BFSP2: variants seen among roughly 807,000 people sequenced by gnomAD.
BFSP2 encodes beaded filament structural protein 2.
A neutral mutation model predicts 44.9 loss-of-function variants in BFSP2; 38 were observed. The ratio of observed to expected loss-of-function variants is 0.85; its 90% CI spans 0.65 to 1.11. The LOEUF (loss-of-function observed/expected upper bound fraction) is 1.11. BFSP2 is among the 50% of genes least tolerant of loss of function. The pLI, the probability that BFSP2 is intolerant of heterozygous loss-of-function variation, is 0.00. For synonymous variants in BFSP2, 197 were observed against 209.9 expected (o/e 0.94, Z 0.53); for missense variants, 525 against 533.0 (o/e 0.99, Z 0.15).
chr3:133,413,055 T>C (rs6774565), intron 1 of BFSP2, among the ~76,000 whole-genome samples: 2,257 of 152,200 alleles, frequency 0.015, 33 homozygotes, highest in East Asian at 0.056. Context: ...GAAGCACACA[T>C]AGGGGCTGCG....
At position 133,472,363 on chromosome 3, in the gene BFSP2, A is replaced by T. The variant is rs749519419; in HGVS notation, c.1042A>T (p.Thr348Ser). The T allele has an allele frequency of 1.9e-6, 3 of 1,613,094 alleles. No homozygotes were observed. The highest frequency in any genetic ancestry group is 2.7e-5 in the African/African-American group (2 of 74,952). The change falls in exon 6 of 7, where the codon ACC (threonine) becomes TCC (serine). Residue 348 changes from threonine to serine, a missense_variant. By Grantham distance (58) the Thr-to-Ser change is moderately conservative. Transcript: ENST00000302334. The part of the protein sequence containing the change: ...LRALKRGLEN[T>S]LHDAKHWHDM... Reference sequence around the variant, plus strand: ...TTTGTAGAAACGAGGCCTGGAGAACACCTTGCACGATGCCAAGCACTGGCA... The same window carrying T: ...TTTGTAGAAACGAGGCCTGGAGAACTCCTTGCACGATGCCAAGCACTGGCA...
At chr3:133,416,464 C>G (rs973551608) in intron 1 of BFSP2, among the ~76,000 whole-genome samples, 2 of 147,870 alleles carry the variant, frequency 1.4e-5, no homozygotes, top group South Asian at 4.4e-4. Context: ...CCTGCTATCT[C>G]CCATCTACTC....
At chr3:133,439,180 G>T (rs1395519317) in intron 1 of BFSP2, among the ~76,000 whole-genome samples, 1 of 152,180 alleles carries the variant, frequency 6.6e-6, no homozygotes, top group Non-Finnish European at 1.5e-5. Flanking sequence ...AAAATATTTT[G>T]GTTTGGTCTG....
At chr3:133,453,591 C>T (rs1041854973) in intron 4 of BFSP2, among the ~76,000 whole-genome samples, 3 of 152,140 alleles carry the variant, frequency 2.0e-5, no homozygotes, top group South Asian at 2.1e-4. Context: ...TTGTGAGAAA[C>T]GGTATAGACT....
chr3:133,400,060 G>A lies in BFSP2; in HGVS notation c.-24G>A, dbSNP rs747195812. 21 of 1,613,980 alleles carry A rather than the reference G, an allele frequency of 1.3e-5. No homozygotes were observed. Among genetic ancestry groups the A allele is most frequent in the African/African-American group, 4.0e-5 (3 of 74,936 alleles). On this transcript the variant is annotated 5_prime_UTR_variant, in exon 1 of 7. Coordinates refer to ENST00000302334, the MANE Select transcript of BFSP2 (RefSeq NM_003571.4). The surrounding 1 kb of genome is among the most constrained non-coding windows in gnomAD (Gnocchi z 4.0). ...GCCACTGGACTCTGTAAACCCACTG[G>A]GCACCACAGAGGCAGAAGGGGTGAT...
chr3:133,440,566 T>C (rs1559971251), intron 1 of BFSP2, among the ~76,000 whole-genome samples: 1 of 152,132 alleles, frequency 6.6e-6, no homozygotes, highest in Non-Finnish European at 1.5e-5. Context: ...CACTGATGCC[T>C]ACTATCCAAA....
intron 1 of BFSP2, among the ~76,000 whole-genome samples, chr3:133,406,566 T>C (rs1222125864): frequency 6.8e-6 from 1 of 147,146 alleles, no homozygotes; most frequent in Non-Finnish European, 1.5e-5. Context: ...GCTTGCCATC[T>C]ACCAACCGTG....
At chr3:133,406,074 C>T (rs1359649246) in intron 1 of BFSP2, among the ~76,000 whole-genome samples, 1 of 152,024 alleles carries the variant, frequency 6.6e-6, no homozygotes, top group African/African-American at 2.4e-5. Context: ...CCTCAGCCTC[C>T]CAAGTAGCTG....
Position 133,448,519 on chromosome 3 carries a change from G to A in BFSP2, c.603G>A (p.Ala201=), listed in dbSNP as rs2276737. The A allele has an allele frequency of 0.58, 937,445 of 1,613,420 alleles. 282,437 individuals carry two copies. Among genetic ancestry groups the A allele is most frequent in the Non-Finnish European group, 0.62 (730,322 of 1,179,686 alleles). The change falls in exon 3 of 7, where the codon GCG becomes GCA. Residue 201 remains alanine, a synonymous_variant. Coordinates refer to ENST00000302334, the MANE Select transcript of BFSP2 (RefSeq NM_003571.4). ...AAAATGAGCAGCCATTTCGAAAGGC[G>A]GCAGAAGAGGAAATTAACTCTCTGT... The part of the protein sequence containing the change: ...RYENEQPFRK[A]AEEEINSLYK...
rs375157205 is a variant in BFSP2 at position 133,458,364 on chromosome 3, T to C, written c.891+7900T>C. Among the ~76,000 whole-genome samples, 4 of 152,190 alleles carry C rather than the reference T, an allele frequency of 2.6e-5. No individual in the cohort carries two copies. In the East Asian group the frequency reaches 5.8e-4, roughly 22 times the overall value. On this transcript the variant is annotated intron_variant, in intron 4 of 6. Transcript: ENST00000302334. ...CAAAAGACTGTCTCATTGAGGTAGG[T>C]ACTGCCTACTCTTTGCCTCTTCTTT...
chr3:133,406,464 G>A (rs565295854), intron 1 of BFSP2, among the ~76,000 whole-genome samples: 1 of 152,220 alleles, frequency 6.6e-6, no homozygotes, highest in Non-Finnish European at 1.5e-5. Flanking sequence ...ATGGAAGACA[G>A]GGGGTGGGGT....
At chr3:133,474,490 C>T (rs1022736605) in intron 6 of BFSP2, among the ~76,000 whole-genome samples, 2 of 152,232 alleles carry the variant, frequency 1.3e-5, no homozygotes, top group African/African-American at 4.8e-5. Flanking sequence ...TCATCCAGCT[C>T]CTCTCCAACT....
At chr3:133,431,657 C>G (rs182599248) in intron 1 of BFSP2, among the ~76,000 whole-genome samples, 2 of 152,244 alleles carry the variant, frequency 1.3e-5, no homozygotes, top group East Asian at 3.9e-4. Flanking sequence ...CTTTAGGTAA[C>G]TCTCACAGCG....
intron 1 of BFSP2, among the ~76,000 whole-genome samples, chr3:133,414,979 C>CTCCCCTCTACTTACCCCTGCCATT (rs2073502066): frequency 7.5e-6 from 1 of 133,914 alleles, no homozygotes; most frequent in Non-Finnish European, 1.6e-5. Flanking sequence ...CCCCTGCCAT[C>CTCCCCTCTACTTACCCCTGCCATT]TCTCCTCTAC....
In BFSP2 at chr3:133,472,544, T is replaced by A. The variant is rs1162997494; in HGVS notation, c.1223T>A (p.Leu408Gln). ...LQKDVASYHALLDREESG is the reference protein window; with the variant it reads ...LQKDVASYHAQLDREESG ...AAGGACGTGGCGTCCTACCACGCCCTGCTGGACAGGGAGGAGAGCGGGTAA... is the reference window on the plus strand; with the variant it reads ...AAGGACGTGGCGTCCTACCACGCCCAGCTGGACAGGGAGGAGAGCGGGTAA... The change falls in exon 6 of 7, where the codon CTG (leucine) becomes CAG (glutamine). Residue 408 changes from leucine to glutamine, a missense_variant. Physicochemically the swap from Leu to Gln is moderately radical, Grantham distance 113. Coordinates refer to ENST00000302334, the MANE Select transcript of BFSP2 (RefSeq NM_003571.4). The A allele has an allele frequency of 6.2e-7, 1 of 1,612,258 alleles. No individual in the cohort carries two copies. Among genetic ancestry groups the A allele is most frequent in the Non-Finnish European group, 8.5e-7 (1 of 1,179,936 alleles).
intron 4 of BFSP2, among the ~76,000 whole-genome samples, chr3:133,459,763 A>G (rs2074045383): frequency 6.6e-6 from 1 of 152,242 alleles, no homozygotes; most frequent in South Asian, 2.1e-4. Context: ...CTGCCTGTCA[A>G]AAGCTATCCT....
intron 1 of BFSP2, among the ~76,000 whole-genome samples, chr3:133,411,185 A>G (rs1054987473): frequency 1.1e-5 from 1 of 88,572 alleles, no homozygotes; most frequent in African/African-American, 3.6e-5. Flanking sequence ...ACACCGAAAA[A>G]AAAAAAAAAA....
Position 133,448,014 on chromosome 3 carries a change from G to A in BFSP2, c.573-475G>A, listed in dbSNP as rs112700395. On this transcript the variant is annotated intron_variant, in intron 2 of 6. Coordinates refer to ENST00000302334, the MANE Select transcript of BFSP2 (RefSeq NM_003571.4). ...CTACACCTCCCACTCAGTCCCTGAAGGCATCTGGGTTTGCAGCCACTCTCC... is the reference window on the plus strand; with the variant it reads ...CTACACCTCCCACTCAGTCCCTGAAAGCATCTGGGTTTGCAGCCACTCTCC... Among the ~76,000 whole-genome samples the A allele has an allele frequency of 9.4e-3, 1,436 of 152,324 alleles. 25 individuals are homozygous for A. The highest frequency in any genetic ancestry group is 0.032 in the African/African-American group (1,346 of 41,568).
At chr3:133,440,001 C>T (rs1364910982) in intron 1 of BFSP2, among the ~76,000 whole-genome samples, 9 of 152,228 alleles carry the variant, frequency 5.9e-5, no homozygotes, top group African/African-American at 1.9e-4. Context: ...GAAGAAATAC[C>T]TGAGACTGGG....
Sources: gnomAD v4.1 joint callset for allele counts (sites outside exome capture counted in the v4.1 genomes callset) on GRCh38, gnomAD v4.1.1 for gene constraint, Gnocchi (gnomAD v3.1) non-coding constraint, MANE v1.5 for transcripts, NCBI Gene and HGNC (gene_info 2026-07-23, HGNC 2026-07-21) for gene names.